TAFA5: variants seen among roughly 807,000 people sequenced by gnomAD.
The protein encoded by TAFA5 is TAFA chemokine like family member 5.
A neutral mutation model predicts 15.3 loss-of-function variants in TAFA5; 6 were observed. The ratio of observed to expected loss-of-function variants is 0.39; its 90% CI spans 0.21 to 0.77. The LOEUF is 0.77. Among genes scored for constraint, TAFA5 ranks in the 30% least tolerant of loss-of-function variants. The pLI is 0.41. For synonymous variants in TAFA5, 103 were observed against 80.7 expected, an observed-to-expected ratio of 1.28 and a Z score of -1.48; for missense variants, 161 against 193.1, an observed-to-expected ratio of 0.83 and a Z score of 0.98.
intron 1 of TAFA5, among the ~76,000 whole-genome samples, chr22:48,521,780 C>G (rs1271918914): frequency 6.6e-6 from 1 of 152,184 alleles, no homozygotes; most frequent in Non-Finnish European, 1.5e-5. Context: ...ATTAAAGCAT[C>G]GTGCTCATCT....
intron 1 of TAFA5, among the ~76,000 whole-genome samples, chr22:48,557,777 A>G (rs1037012309): frequency 6.6e-6 from 1 of 152,150 alleles, no homozygotes; most frequent in African/African-American, 2.4e-5. Context: ...ATGGGCGATC[A>G]TTGTTCAGGG....
rs1930499625 is a variant in TAFA5, at chr22:48,751,646, AAAAG to A, written c.*1802_*1805del. 1 of 152,372 alleles carries A rather than the reference AAAAG, an allele frequency of 6.6e-6. No individual in the cohort carries two copies. The highest frequency in any genetic ancestry group is 1.5e-5 in the Non-Finnish European group (1 of 68,040). The allele number at this position is 152,372 out of a possible 1,614,324, so 9.4% of individuals were successfully genotyped here. ...TTTATAGGCATTTGTATCCTGGACT[AAAAG>A]AAGGGGCTGAGGTTGGGTTTGTCAT... On this transcript the variant is annotated 3_prime_UTR_variant, in exon 4 of 4. Coordinates refer to ENST00000402357, the MANE Select transcript of TAFA5 (RefSeq NM_001082967.3).
intron 1 of TAFA5, among the ~76,000 whole-genome samples, chr22:48,574,711 G>A (rs1362696733): frequency 3.3e-5 from 5 of 152,166 alleles, no homozygotes; most frequent in Non-Finnish European, 7.4e-5. Flanking sequence ...CTGGTCATTT[G>A]AAATTGAATT....
At chr22:48,729,352 T>TATC (rs66812674) in intron 3 of TAFA5, among the ~76,000 whole-genome samples, 167 of 1,436 alleles carry the variant, frequency 0.12, 9 homozygotes, top group African/African-American at 0.22. Flanking sequence ...TATATTTTTA[T>TATC]ATTAGTATAT....
intron 2 of TAFA5, among the ~76,000 whole-genome samples, chr22:48,683,103 A>T (rs1196472600): frequency 6.6e-6 from 1 of 152,172 alleles, no homozygotes; most frequent in Non-Finnish European, 1.5e-5. Context: ...TACTTAAGTT[A>T]TACAGTCCCG....
chr22:48,633,514 CTGTCTGTCTGTCTG>C (rs1488408642), intron 1 of TAFA5, among the ~76,000 whole-genome samples: 1,160 of 73,842 alleles, frequency 0.016, 32 homozygotes, highest in African/African-American at 0.058. Context: ...GTCTGTCTGT[CTGTCTGTCTGTCTG>C]TCTGTCTCTC....
At chr22:48,636,215 A>G (rs1926439744) in intron 1 of TAFA5, among the ~76,000 whole-genome samples, 1 of 152,188 alleles carries the variant, frequency 6.6e-6, no homozygotes, top group South Asian at 2.1e-4. Context: ...TGACTTTGCT[A>G]GCAACACCAA....
chr22:48,592,771 G>A (rs1417979270), intron 1 of TAFA5, among the ~76,000 whole-genome samples: 1 of 151,952 alleles, frequency 6.6e-6, no homozygotes, highest in Admixed American at 6.5e-5. Context: ...CTGTGCTCCC[G>A]AGAAACCGAG....
intron 2 of TAFA5, among the ~76,000 whole-genome samples, chr22:48,653,528 G>A (rs1054629418): frequency 4.6e-5 from 7 of 152,214 alleles, no homozygotes; most frequent in Admixed American, 2.6e-4. Flanking sequence ...TGGCTGTGGC[G>A]TGAGGGTACA....
At position 48,751,765 on chromosome 22, in the gene TAFA5, A is replaced by C. The variant is rs1428492965; in HGVS notation, c.*1918A>C. Reference sequence around the variant, plus strand: ...GCAGCCTCTGCCAGCCAGCGTCCTCACGGCCTCCCCCTCGCCTGTTTCTTT... The same window carrying C: ...GCAGCCTCTGCCAGCCAGCGTCCTCCCGGCCTCCCCCTCGCCTGTTTCTTT... On this transcript the variant is annotated 3_prime_UTR_variant, in exon 4 of 4. Coordinates refer to ENST00000402357, the MANE Select transcript of TAFA5 (RefSeq NM_001082967.3). The C allele has an allele frequency of 6.6e-6, 1 of 152,422 alleles. No homozygotes were observed. Among genetic ancestry groups the C allele is most frequent in the Non-Finnish European group, 1.5e-5 (1 of 68,026 alleles). The allele number at this position is 152,422 out of a possible 1,614,324, so 9.4% of individuals were successfully genotyped here.
chr22:48,575,970 G>A (rs1370909932), intron 1 of TAFA5, among the ~76,000 whole-genome samples: 2 of 143,090 alleles, frequency 1.4e-5, no homozygotes, highest in African/African-American at 5.0e-5. Context: ...AGAGGAGGAG[G>A]AGGAAGGCGA....
intron 1 of TAFA5, among the ~76,000 whole-genome samples, chr22:48,502,520 ATTTTTT>A (rs71677503): frequency 6.9e-5 from 9 of 130,720 alleles, no homozygotes; most frequent in South Asian, 2.4e-4. Flanking sequence ...TCTCTTTGGA[ATTTTTT>A]TTTTTTTTTT....
chr22:48,497,285 G>A (rs1457066803), intron 1 of TAFA5, among the ~76,000 whole-genome samples: 2 of 152,198 alleles, frequency 1.3e-5, no homozygotes, highest in Non-Finnish European at 1.5e-5. Context: ...CGGGGCCTGC[G>A]GTCCCACGGG....
chr22:48,734,537 G>A (rs988932451), intron 3 of TAFA5, among the ~76,000 whole-genome samples: 5 of 152,266 alleles, frequency 3.3e-5, no homozygotes, highest in South Asian at 2.1e-4. Flanking sequence ...TGGGCTCTGG[G>A]CAGTGTGTGA....
rs561247671 is a variant in TAFA5 at position 48,552,897 on chromosome 22, G to A, written c.112+63193G>A. 3.9e-5 allele frequency among the ~76,000 whole-genome samples: 6 copies of A among 152,146 alleles called. No individual in the cohort carries two copies. Among genetic ancestry groups the A allele is most frequent in the South Asian group, 2.1e-4 (1 of 4,818 alleles). ...GCCCCTGGTTTCCCACTGTTGTGAC[G>A]GCCCTGTCTGCATTCCCTGCAGAAT... On this transcript the variant is annotated intron_variant, in intron 1 of 3. Transcript: ENST00000402357. The surrounding 1 kb of genome is among the most constrained non-coding windows in gnomAD (Gnocchi z 4.1).
At chr22:48,638,557 G>GGGGGA (rs1926547493) in intron 1 of TAFA5, among the ~76,000 whole-genome samples, 2 of 123,846 alleles carry the variant, frequency 1.6e-5, no homozygotes, top group East Asian at 2.6e-4. Context: ...CCACACACAG[G>GGGGGA]CGGGACCCCG....
At chr22:48,719,178 G>T (rs1019378067) in intron 3 of TAFA5, among the ~76,000 whole-genome samples, 1 of 152,182 alleles carries the variant, frequency 6.6e-6, no homozygotes, top group African/African-American at 2.4e-5. Flanking sequence ...CACCCGCAGG[G>T]GCTCTGCTTC....
intron 1 of TAFA5, among the ~76,000 whole-genome samples, chr22:48,535,466 T>C (rs766909462): frequency 6.6e-6 from 1 of 152,278 alleles, no homozygotes; most frequent in Non-Finnish European, 1.5e-5. Flanking sequence ...TGTGTTGCTA[T>C]ACGCATATGT....
chr22:48,563,744 G>A (rs1009030216), intron 1 of TAFA5, among the ~76,000 whole-genome samples: 1 of 152,212 alleles, frequency 6.6e-6, no homozygotes, highest in African/African-American at 2.4e-5. Flanking sequence ...GGGAGCTCGG[G>A]CTCCTGGGAG....
Sources: allele counts gnomAD v4.1 joint callset (sites outside exome capture counted in the v4.1 genomes callset), GRCh38; gene constraint gnomAD v4.1.1; non-coding constraint Gnocchi (gnomAD v3.1); transcripts MANE v1.5; gene names NCBI Gene and HGNC (gene_info 2026-07-23, HGNC 2026-07-21).